Variants in CLVS1 observed in about 807,000 individuals in gnomAD.
CLVS1 encodes the protein clavesin 1.
In CLVS1, 10 loss-of-function variants were observed where a neutral mutation model predicts 33.1. The ratio of observed to expected loss-of-function variants is 0.30; its 90% CI spans 0.19 to 0.51. CLVS1 has a LOEUF of 0.51. CLVS1 is among the 20% of genes least tolerant of loss of function. The probability of loss-of-function intolerance (pLI) is 0.97; values close to 1 mark genes in which losing one functional copy is unlikely to be tolerated. For synonymous variants in CLVS1, 163 were observed against 166.1 expected (o/e 0.98, Z 0.14); for missense variants, 343 against 433.4 (o/e 0.79, Z 1.85).
intron 2 of CLVS1, among the ~76,000 whole-genome samples, chr8:61,232,041 T>TTTTTTTTTTTTTTGTTTTGTTTTG (rs1554548394): frequency 8.6e-6 from 1 of 116,004 alleles, no homozygotes; most frequent in Non-Finnish European, 1.6e-5. Flanking sequence ...TTTTTTTTTT[T>TTTTTTTTTTTTTTGTTTTGTTTTG]TTTTTTTTTG....
chr8:60,981,780 G>A, the CLVS1 span, among the ~76,000 whole-genome samples: 2 of 152,202 alleles, frequency 1.3e-5, no homozygotes, highest in Non-Finnish European at 2.9e-5. Flanking sequence ...CCTGTCTGCC[G>A]GGAGGCCGAG....
intron 3 of CLVS1, among the ~76,000 whole-genome samples, chr8:61,432,463 CAA>C (rs879642695): frequency 2.8e-4 from 43 of 151,788 alleles, no homozygotes; most frequent in African/African-American, 8.5e-4. Flanking sequence ...GTCGTTATAA[CAA>C]GAGGAGATTA....
intron 5 of CLVS1, among the ~76,000 whole-genome samples, chr8:61,464,209 A>G (rs968467060): frequency 1.3e-5 from 2 of 152,230 alleles, no homozygotes; most frequent in Admixed American, 1.3e-4. Flanking sequence ...CAACATTACC[A>G]CAAGCCTTCA....
chr8:61,391,737 T>C (rs938829392), intron 3 of CLVS1, among the ~76,000 whole-genome samples: 1 of 152,182 alleles, frequency 6.6e-6, no homozygotes, highest in Non-Finnish European at 1.5e-5. Context: ...CTTTTTTCAC[T>C]AACTGAATGA....
At chr8:61,030,384 A>G in the CLVS1 span, among the ~76,000 whole-genome samples, 2 of 152,242 alleles carry the variant, frequency 1.3e-5, no homozygotes, top group African/African-American at 4.8e-5. Flanking sequence ...CGATGAAGTT[A>G]TGAACTGGCA....
At chr8:61,227,142 T>C (rs990822900) in intron 2 of CLVS1, among the ~76,000 whole-genome samples, 3 of 152,158 alleles carry the variant, frequency 2.0e-5, no homozygotes, top group African/African-American at 7.2e-5. Flanking sequence ...AATGTTTGCA[T>C]GTGTCCTTAG....
chr8:61,126,983 CTT>C (rs942056084), intron 1 of CLVS1, among the ~76,000 whole-genome samples: 5 of 152,176 alleles, frequency 3.3e-5, no homozygotes, highest in African/African-American at 1.2e-4. Context: ...TGGCCTGGGT[CTT>C]TTACCTTCCT....
At chr8:61,445,756 A>G (rs1816739152) in intron 3 of CLVS1, among the ~76,000 whole-genome samples, 2 of 152,224 alleles carry the variant, frequency 1.3e-5, no homozygotes, top group Non-Finnish European at 2.9e-5. Context: ...ATTCTTCTGT[A>G]AAAGTTCAGT....
chr8:61,172,221 G>C (rs966611299), intron 2 of CLVS1, among the ~76,000 whole-genome samples: 1 of 152,112 alleles, frequency 6.6e-6, no homozygotes, highest in African/African-American at 2.4e-5. Context: ...CATTTGAGGA[G>C]GGCACTTAGA....
At chr8:61,290,506 G>A (rs1428496431) in intron 1 of CLVS1, among the ~76,000 whole-genome samples, 1 of 152,164 alleles carries the variant, frequency 6.6e-6, no homozygotes, top group African/African-American at 2.4e-5. Context: ...TAGAATCATG[G>A]AGTAGACAGC....
At chr8:61,046,203 A>G in the CLVS1 span, among the ~76,000 whole-genome samples, 23 of 147,238 alleles carry the variant, frequency 1.6e-4, no homozygotes, top group African/African-American at 5.7e-4. Context: ...AGCTTTCTAC[A>G]TATGGCTAGC....
chr8:61,063,785 G>A (rs1023776203), intron 1 of CLVS1, among the ~76,000 whole-genome samples: 5 of 152,146 alleles, frequency 3.3e-5, no homozygotes, highest in African/African-American at 9.7e-5. Context: ...AGTGGCATTA[G>A]TTCTATTTAC....
chr8:61,378,754 C>T (rs139934132), intron 3 of CLVS1, among the ~76,000 whole-genome samples: 124 of 152,262 alleles, frequency 8.1e-4, no homozygotes, highest in African/African-American at 2.6e-3. Flanking sequence ...TCAACTCTGC[C>T]CAGCTACTTA....
intron 3 of CLVS1, among the ~76,000 whole-genome samples, chr8:61,416,887 G>A (rs571987854): frequency 3.3e-4 from 51 of 152,244 alleles, no homozygotes; most frequent in African/African-American, 6.7e-4. Context: ...GAAAAGTTCC[G>A]TCAGCCAGAA....
chr8:61,209,572 T>C (rs1448649638), intron 2 of CLVS1, among the ~76,000 whole-genome samples: 1 of 152,232 alleles, frequency 6.6e-6, no homozygotes, highest in Admixed American at 6.5e-5. Context: ...TTTGACTTTG[T>C]GTTGTCTGAA....
intron 3 of CLVS1, among the ~76,000 whole-genome samples, chr8:61,439,082 C>T (rs922519274): frequency 3.3e-5 from 5 of 152,160 alleles, no homozygotes; most frequent in Admixed American, 1.3e-4. Context: ...GAATGACTTC[C>T]GTGTTCCTTC....
intron 4 of CLVS1, among the ~76,000 whole-genome samples, chr8:61,454,857 C>T (rs138204507): frequency 6.6e-6 from 1 of 152,146 alleles, no homozygotes; most frequent in Admixed American, 6.5e-5. Context: ...CATTCCTTAA[C>T]CACTCTGAAT....
At chr8:61,325,786 G>T (rs536610471) in intron 2 of CLVS1, among the ~76,000 whole-genome samples, 48 of 152,228 alleles carry the variant, frequency 3.2e-4, no homozygotes, top group African/African-American at 8.9e-4. Flanking sequence ...CTGACTATAT[G>T]AAAGAGTTTT....
At chr8:61,034,386 G>A in the CLVS1 span, among the ~76,000 whole-genome samples, 1 of 150,758 alleles carries the variant, frequency 6.6e-6, no homozygotes. Context: ...TTTTTGTGGT[G>A]CAAACTTTGA....
Sources: gnomAD v4.1 joint callset for allele counts (sites outside exome capture counted in the v4.1 genomes callset) on GRCh38, gnomAD v4.1.1 for gene constraint, MANE v1.5 for transcripts, NCBI Gene and HGNC (gene_info 2026-07-23, HGNC 2026-07-21) for gene names.